PLCL1: variants seen among roughly 807,000 people sequenced by gnomAD.
PLCL1 encodes the protein phospholipase C like 1 (inactive), also known as inactive phospholipase C-like protein 1.
A neutral mutation model predicts 84.4 loss-of-function variants in PLCL1; 41 were observed. The ratio of observed to expected loss-of-function variants is 0.49; its 90% CI spans 0.38 to 0.63. PLCL1 has a LOEUF of 0.63. PLCL1 is among the 30% of genes least tolerant of loss of function. The pLI, the probability that PLCL1 is intolerant of heterozygous loss-of-function variation, is 0.00. For synonymous variants in PLCL1, 490 were observed against 488.3 expected (o/e 1.00, Z -0.05); for missense variants, 1,206 against 1,367.8 (o/e 0.88, Z 1.87).
intron 5 of PLCL1, among the ~76,000 whole-genome samples, chr2:198,131,296 C>G (rs16827819): frequency 0.021 from 3,157 of 152,216 alleles, 97 homozygotes; most frequent in African/African-American, 0.072. Flanking sequence ...TTCATGGACA[C>G]CTCACCTTCT....
At chr2:197,902,878 C>T (rs1033372992) in intron 1 of PLCL1, among the ~76,000 whole-genome samples, 1 of 152,116 alleles carries the variant, frequency 6.6e-6, no homozygotes, top group East Asian at 1.9e-4. Context: ...GTTTCAGAGA[C>T]AGATCTCAGC....
intron 1 of PLCL1, among the ~76,000 whole-genome samples, chr2:197,901,041 ATTGAGAAGTGATGTCT>A (rs1688255782): frequency 1.3e-5 from 2 of 152,226 alleles, no homozygotes; most frequent in South Asian, 4.1e-4. Flanking sequence ...GTACATACAC[ATTGAGAAGTGATGTCT>A]TTTGGGATCG....
chr2:197,861,350 C>T (rs1397741743), intron 1 of PLCL1, among the ~76,000 whole-genome samples: 3 of 152,116 alleles, frequency 2.0e-5, no homozygotes, highest in Non-Finnish European at 4.4e-5. Flanking sequence ...AGGTGGAGCA[C>T]CTAAAGAAGG....
intron 1 of PLCL1, among the ~76,000 whole-genome samples, chr2:197,870,349 A>T (rs1687628260): frequency 6.6e-6 from 1 of 152,136 alleles, no homozygotes. Context: ...TCACATCTTC[A>T]TGAGCCACAC....
At chr2:198,061,126 C>A (rs746233403) in intron 1 of PLCL1, among the ~76,000 whole-genome samples, 1 of 151,708 alleles carries the variant, frequency 6.6e-6, no homozygotes, top group Non-Finnish European at 1.5e-5. Context: ...TCCATATGCT[C>A]GTGAAAAAAA....
intron 1 of PLCL1, among the ~76,000 whole-genome samples, chr2:197,906,119 T>G (rs2105741638): frequency 6.6e-6 from 1 of 152,312 alleles, no homozygotes; most frequent in East Asian, 1.9e-4. Flanking sequence ...GCTTTGGTGT[T>G]TTAGTCATGA....
chr2:197,937,767 T>C (rs547122801), intron 1 of PLCL1, among the ~76,000 whole-genome samples: 2 of 152,130 alleles, frequency 1.3e-5, no homozygotes, highest in Non-Finnish European at 2.9e-5. Context: ...TATAAATCAG[T>C]CAGGTGCTTT....
intron 1 of PLCL1, among the ~76,000 whole-genome samples, chr2:197,874,412 G>C (rs1313285589): frequency 6.6e-6 from 1 of 152,084 alleles, no homozygotes; most frequent in Non-Finnish European, 1.5e-5. Context: ...TCATCATCCA[G>C]AGATAGCCGT....
At chr2:197,860,220 T>G (rs1687403273) in intron 1 of PLCL1, among the ~76,000 whole-genome samples, 1 of 152,194 alleles carries the variant, frequency 6.6e-6, no homozygotes, top group African/African-American at 2.4e-5. Context: ...TCTTTTTTTA[T>G]GGCTGCATAG....
chr2:197,821,087 G>A (rs991458154), intron 1 of PLCL1, among the ~76,000 whole-genome samples: 4 of 152,054 alleles, frequency 2.6e-5, no homozygotes, highest in Admixed American at 2.6e-4. Context: ...GACTGTCTTT[G>A]TAGTTTTCTT....
At chr2:198,083,627 G>A in intron 1 of PLCL1, 131 bp from the exon 2 acceptor site, 1 of 594,650 alleles carries the variant, frequency 1.7e-6, no homozygotes, top group Non-Finnish European at 2.8e-6. Flanking sequence ...CAGTGAAAAT[G>A]TAAACTTTAG....
intron 1 of PLCL1, among the ~76,000 whole-genome samples, chr2:198,011,709 G>A (rs1050569155): frequency 2.6e-5 from 4 of 152,072 alleles, no homozygotes; most frequent in Admixed American, 6.6e-5. Context: ...GGGTATTGAA[G>A]TCTTCTACTA....
intron 1 of PLCL1, among the ~76,000 whole-genome samples, chr2:198,068,979 G>A (rs1006769099): frequency 6.6e-5 from 10 of 152,000 alleles, no homozygotes; most frequent in Admixed American, 5.9e-4. Flanking sequence ...AGGTTGCAGT[G>A]AGCTGAGGTT....
chr2:197,931,959 A>G (rs1312757683), intron 1 of PLCL1, among the ~76,000 whole-genome samples: 1 of 152,216 alleles, frequency 6.6e-6, no homozygotes, highest in Non-Finnish European at 1.5e-5. Flanking sequence ...GTTTAAGGCT[A>G]GATTGTAAAA....
intron 1 of PLCL1, among the ~76,000 whole-genome samples, chr2:197,836,320 G>C (rs1470510460): frequency 6.6e-6 from 1 of 151,540 alleles, no homozygotes; most frequent in Admixed American, 6.6e-5. Flanking sequence ...AGTGGTGGGC[G>C]CCTGTAGTCC....
chr2:197,882,802 G>A (rs1687854142), intron 1 of PLCL1, among the ~76,000 whole-genome samples: 1 of 152,068 alleles, frequency 6.6e-6, no homozygotes, highest in Admixed American at 6.6e-5. Flanking sequence ...TACTTATAAG[G>A]TATAGCAAAT....
At chr2:197,880,671 G>T (rs949251799) in intron 1 of PLCL1, among the ~76,000 whole-genome samples, 9 of 152,108 alleles carry the variant, frequency 5.9e-5, no homozygotes, top group African/African-American at 2.2e-4. Flanking sequence ...ACAACATTAT[G>T]TATAGGAGAA....
intron 1 of PLCL1, among the ~76,000 whole-genome samples, chr2:197,996,951 A>C (rs900750102): frequency 3.9e-5 from 6 of 152,186 alleles, no homozygotes; most frequent in Non-Finnish European, 8.8e-5. Flanking sequence ...CCACATTTTG[A>C]ATGAGTTTTG....
chr2:197,923,117 C>T (rs1688746886), intron 1 of PLCL1, among the ~76,000 whole-genome samples: 1 of 143,682 alleles, frequency 7.0e-6, no homozygotes, highest in African/African-American at 2.6e-5. Context: ...GGGCGGCTGG[C>T]CAGGCTGAGG....
Sources: gnomAD v4.1 joint callset for allele counts (sites outside exome capture counted in the v4.1 genomes callset) on GRCh38, gnomAD v4.1.1 for gene constraint, MANE v1.5 for transcripts, NCBI Gene and HGNC (gene_info 2026-07-23, HGNC 2026-07-21) for gene names.